EBF2: variants seen among roughly 807,000 people sequenced by gnomAD.
The protein encoded by EBF2 is EBF transcription factor 2, also known as transcription factor COE2.
EBF2 carries 21 observed loss-of-function variants against 72.8 expected under a neutral mutation model. The observed-to-expected ratio is 0.29, with a 90% CI of 0.20 to 0.42. The LOEUF (loss-of-function observed/expected upper bound fraction) is 0.42, where lower values mean the gene tolerates loss of function less well. Ranked by LOEUF, EBF2 falls within the 10% of genes least tolerant of loss-of-function variation. The probability of loss-of-function intolerance (pLI) is 1.00; values close to 1 mark genes in which losing one functional copy is unlikely to be tolerated. For missense variants in EBF2, 637 were observed against 731.2 expected (o/e 0.87, Z 1.49); for synonymous variants, 299 against 274.2 (o/e 1.09, Z -0.89).
intron 6 of EBF2, 52 bp downstream of exon 6, chr8:26,033,033 T>C (rs7826952): frequency 0.27 from 409,671 of 1,525,700 alleles, 58,138 homozygotes; most frequent in African/African-American, 0.45. Context: ...AGAGTTGAGG[T>C]TCATGAAGAA....
intron 13 of EBF2, among the ~76,000 whole-genome samples, chr8:25,858,770 C>T (rs1010300399): frequency 7.0e-6 from 1 of 142,534 alleles, no homozygotes; most frequent in African/African-American, 2.6e-5. Context: ...CGTGATTCTT[C>T]TGCCTCAGCC....
At position 25,906,845 on chromosome 8, in the gene EBF2, T is replaced by G. The variant is rs372747901; in HGVS notation, c.633+1629A>C. Among the ~76,000 whole-genome samples, 113 of 152,216 alleles carry G rather than the reference T, an allele frequency of 7.4e-4. 1 individual carries two copies. The highest frequency in any genetic ancestry group is 2.3e-3 in the African/African-American group (95 of 41,550). ...CCCAAGAGAGAAAAAGTCTCCAACT[T>G]TTTAAAGGGAGGCTGGTAATAGTGT... is the stretch of plus-strand genomic sequence containing the variant. On this transcript the variant is annotated intron_variant, in intron 7 of 15. Coordinates refer to ENST00000520164, the MANE Select transcript of EBF2 (RefSeq NM_022659.4).
intron 6 of EBF2, among the ~76,000 whole-genome samples, chr8:25,980,971 A>C (rs2117199083): frequency 6.6e-6 from 1 of 152,116 alleles, no homozygotes; most frequent in Non-Finnish European, 1.5e-5. Context: ...AGTGGTAGAA[A>C]GTCCATGAAC....
At chr8:25,997,017 AAG>A (rs1411904811) in intron 6 of EBF2, among the ~76,000 whole-genome samples, 2 of 152,220 alleles carry the variant, frequency 1.3e-5, no homozygotes, top group African/African-American at 4.8e-5. Context: ...ATAAAACTAA[AAG>A]AGTTTTATTA....
intron 7 of EBF2, among the ~76,000 whole-genome samples, chr8:25,892,510 C>T (rs917888831): frequency 6.6e-6 from 1 of 152,206 alleles, no homozygotes; most frequent in Non-Finnish European, 1.5e-5. Context: ...AAAAAGTCAT[C>T]TTGTGTTCCC....
chr8:26,023,645 T>TA (rs1164474442), intron 6 of EBF2, among the ~76,000 whole-genome samples: 6 of 152,160 alleles, frequency 3.9e-5, no homozygotes, highest in Non-Finnish European at 4.4e-5. Flanking sequence ...ACATCCAGGC[T>TA]ACTAAAAAAT....
chr8:26,042,244 C>A lies in EBF2; in HGVS notation c.139G>T (p.Ala47Ser). ...DANVAAQSGVALSRAHFEKQP... is the reference protein window; with the variant it reads ...DANVAAQSGVSLSRAHFEKQP... ...TTCTCAAAGTGGGCCCGGGACAGGG[C>A]GACCCCGCTGCACAGGGAGAAAAAC... Residue 47 changes from alanine to serine, a missense_variant, in exon 2 of 16, where the codon GCC becomes TCC. Physicochemically the swap from Ala to Ser is moderately conservative, Grantham distance 99. Transcript: ENST00000520164. The A allele has an allele frequency of 1.9e-6, 3 of 1,612,928 alleles. No individual in the cohort carries two copies. The highest frequency in any genetic ancestry group is 1.3e-5 in the African/African-American group (1 of 74,958).
At chr8:25,918,329 A>G (rs149617930) in intron 6 of EBF2, among the ~76,000 whole-genome samples, 1 of 152,342 alleles carries the variant, frequency 6.6e-6, no homozygotes, top group African/African-American at 2.4e-5. Flanking sequence ...ACAGGACACC[A>G]TCCAATGTTT....
Position 25,851,165 on chromosome 8 carries a change from C to T in EBF2, c.1529-404G>A, listed in dbSNP as rs75395453. Among the ~76,000 whole-genome samples, 1,193 of 151,908 alleles carry T rather than the reference C, an allele frequency of 7.9e-3. 14 individuals are homozygous for T. The highest frequency in any genetic ancestry group is 0.027 in the African/African-American group (1,133 of 41,526). ...TACCCAGCAATGGAAATCGCTTTCA[C>T]ACCCTACAAAAAAAGTCCTATTTGG... On this transcript the variant is annotated intron_variant, in intron 14 of 15. Coordinates refer to ENST00000520164, the MANE Select transcript of EBF2 (RefSeq NM_022659.4).
At chr8:26,027,764 G>A (rs569535912) in intron 6 of EBF2, among the ~76,000 whole-genome samples, 8 of 152,078 alleles carry the variant, frequency 5.3e-5, no homozygotes, top group Admixed American at 2.6e-4. Flanking sequence ...TCCATACAAC[G>A]GAATATCATT....
At chr8:25,995,739 G>T (rs1585220218) in intron 6 of EBF2, among the ~76,000 whole-genome samples, 1 of 151,472 alleles carries the variant, frequency 6.6e-6, no homozygotes. Flanking sequence ...ATTAAGCAGA[G>T]GTCACAAAAC....
intron 10 of EBF2, among the ~76,000 whole-genome samples, chr8:25,875,202 A>G (rs1802502967): frequency 6.6e-6 from 1 of 152,250 alleles, no homozygotes; most frequent in Admixed American, 6.5e-5. Context: ...GCAAAGAGGG[A>G]GGACGCTCCC....
chr8:25,887,918 G>T lies in EBF2; in HGVS notation c.806C>A (p.Ala269Asp). The T allele has an allele frequency of 1.2e-6, 2 of 1,613,734 alleles. No homozygotes were observed. Reference protein sequence around the residue: ...SPSEGWTTGGAMVIIIGDNFF... With the variant: ...SPSEGWTTGGDMVIIIGDNFF... ...GTTGTCCCCGATGATGATGACCATG[G>T]CTCCTCCTGTGGTCCAGCCTTCACT... Residue 269 changes from alanine (A) to aspartate (D), a missense_variant, in exon 9 of 16, where the codon GCC (alanine) becomes GAC (aspartate). Around this residue, in one of 3 missense-constraint regions of EBF2, gnomAD observed 204 missense variants for 301.2 expected, o/e 0.68. Transcript: ENST00000520164.
chr8:26,028,332 T>G (rs1585233400), intron 6 of EBF2, among the ~76,000 whole-genome samples: 6 of 152,244 alleles, frequency 3.9e-5, no homozygotes, highest in Admixed American at 3.9e-4. Context: ...CTCAGAAATA[T>G]ATGAGACCAA....
chr8:25,897,003 A>C (rs938918557), intron 7 of EBF2, among the ~76,000 whole-genome samples: 12 of 152,222 alleles, frequency 7.9e-5, no homozygotes, highest in South Asian at 4.1e-4. Context: ...GGATTTTGTC[A>C]TTTTCTTTAA....
chr8:25,850,448 G>C, intron 15 of EBF2, 146 bp downstream of exon 15: 1 of 1,019,346 alleles, frequency 9.8e-7, no homozygotes, highest in Non-Finnish European at 1.3e-6. Context: ...TTGCCTAGCT[G>C]TAGAAGCCAT....
intron 6 of EBF2, among the ~76,000 whole-genome samples, chr8:25,963,655 A>T (rs1209971680): frequency 6.6e-6 from 1 of 152,148 alleles, no homozygotes; most frequent in Non-Finnish European, 1.5e-5. Flanking sequence ...AATGCAGGAT[A>T]TTTTTCCAGC....
At chr8:26,015,870 C>A (rs546908401) in intron 6 of EBF2, among the ~76,000 whole-genome samples, 6 of 152,254 alleles carry the variant, frequency 3.9e-5, no homozygotes, top group African/African-American at 1.4e-4. Flanking sequence ...GATAGCAGCT[C>A]CTTAGCCCTG....
chr8:25,997,300 G>A lies in EBF2; in HGVS notation c.551+35785C>T, dbSNP rs559277390. Among the ~76,000 whole-genome samples the A allele has an allele frequency of 3.2e-3, 491 of 152,316 alleles. 2 individuals carry two copies. Among genetic ancestry groups the A allele is most frequent in the Non-Finnish European group, 5.3e-3 (358 of 68,028 alleles). ...AAAAGAAAAAATTAGGCCAGGCATT[G>A]TGGCTCACACTTGTAATCCTAGCAC... On this transcript the variant is annotated intron_variant, in intron 6 of 15. Transcript: ENST00000520164.
Sources: allele counts gnomAD v4.1 joint callset (sites outside exome capture counted in the v4.1 genomes callset), GRCh38; gene constraint gnomAD v4.1.1; regional missense constraint gnomAD v4.1.1; transcripts MANE v1.5; gene names NCBI Gene and HGNC (gene_info 2026-07-23, HGNC 2026-07-21).